Variants in CDK14 observed in about 807,000 individuals in gnomAD.
CDK14 encodes the protein cyclin-dependent kinase 14.
A neutral mutation model predicts 60.7 loss-of-function variants in CDK14; 34 were observed. The ratio of observed to expected loss-of-function variants is 0.56; its 90% CI spans 0.43 to 0.75. The LOEUF is 0.75. Among genes scored for constraint, CDK14 ranks in the 30% least tolerant of loss-of-function variants. CDK14 has a pLI of 0.00. For missense variants in CDK14, 482 were observed against 564.1 expected, an observed-to-expected ratio of 0.85 and a Z score of 1.47; for synonymous variants, 197 against 203.7, an observed-to-expected ratio of 0.97 and a Z score of 0.28.
intron 2 of CDK14, among the ~76,000 whole-genome samples, chr7:90,643,864 A>G (rs1352498842): frequency 6.6e-6 from 1 of 152,182 alleles, no homozygotes; most frequent in East Asian, 1.9e-4. Context: ...TTAGCAATAT[A>G]GTAGATAGTA....
At chr7:90,830,862 T>G (rs901229252) in intron 5 of CDK14, among the ~76,000 whole-genome samples, 11 of 152,330 alleles carry the variant, frequency 7.2e-5, no homozygotes, top group African/African-American at 2.6e-4. Flanking sequence ...AAAATGACAC[T>G]AATCTCCTTG....
Position 90,659,442 on chromosome 7 carries a change from C to T in CDK14, c.123+55193C>T, listed in dbSNP as rs977805136. Among the ~76,000 whole-genome samples, 3 of 152,118 alleles carry T rather than the reference C, an allele frequency of 2.0e-5. No homozygotes were observed. In the South Asian group the frequency reaches 6.2e-4, roughly 31 times the overall value. On this transcript the variant is annotated intron_variant, in intron 2 of 14. Coordinates refer to ENST00000380050, the MANE Select transcript of CDK14 (RefSeq NM_001287135.2). Reference sequence around the variant, plus strand: ...GCAGAATTTTAAGGTAGTACAGCTTCTTTTTGTTCAATAAATATACGTTTC... The same window carrying T: ...GCAGAATTTTAAGGTAGTACAGCTTTTTTTTGTTCAATAAATATACGTTTC...
chr7:90,731,145 T>C (rs1802849689), intron 3 of CDK14, among the ~76,000 whole-genome samples: 1 of 152,200 alleles, frequency 6.6e-6, no homozygotes, highest in Admixed American at 6.5e-5. Context: ...GTCAGGTTTG[T>C]CAGAGATCAG....
intron 8 of CDK14, among the ~76,000 whole-genome samples, chr7:90,924,496 A>G (rs1177992048): frequency 1.3e-5 from 2 of 152,134 alleles, no homozygotes; most frequent in Non-Finnish European, 2.9e-5. Flanking sequence ...CTCTTTCTCT[A>G]CCTTCTAAAA....
At chr7:90,891,411 A>G (rs939720568) in intron 6 of CDK14, among the ~76,000 whole-genome samples, 1 of 152,244 alleles carries the variant, frequency 6.6e-6, no homozygotes, top group African/African-American at 2.4e-5. Flanking sequence ...AAAACAAAAT[A>G]TAACAAATTT....
intron 12 of CDK14, among the ~76,000 whole-genome samples, chr7:91,093,397 T>C (rs1355637671): frequency 6.6e-6 from 1 of 152,066 alleles, no homozygotes; most frequent in Non-Finnish European, 1.5e-5. Flanking sequence ...GAGGAAGTCA[T>C]TGGACATTTA....
chr7:90,879,797 A>G (rs1464482951), intron 6 of CDK14, among the ~76,000 whole-genome samples: 1 of 148,404 alleles, frequency 6.7e-6, no homozygotes, highest in Non-Finnish European at 1.5e-5. Flanking sequence ...AAAATTGACT[A>G]GAAGGCGGGC....
At chr7:90,639,104 A>T (rs974900158) in intron 2 of CDK14, among the ~76,000 whole-genome samples, 9 of 152,152 alleles carry the variant, frequency 5.9e-5, no homozygotes, top group African/African-American at 1.9e-4. Flanking sequence ...GAGTAATTTG[A>T]TCGTCTGAAG....
intron 5 of CDK14, among the ~76,000 whole-genome samples, chr7:90,854,264 A>G (rs1342183271): frequency 2.6e-5 from 4 of 152,240 alleles, no homozygotes; most frequent in South Asian, 2.1e-4. Context: ...CTGTAATCCC[A>G]GCACTTTGGG....
intron 8 of CDK14, among the ~76,000 whole-genome samples, chr7:90,941,614 AT>A (rs1345525763): frequency 1.0e-3 from 149 of 142,870 alleles, no homozygotes; most frequent in African/African-American, 1.8e-3. Context: ...AAACCCAGCT[AT>A]TTTTTTTTTT....
intron 4 of CDK14, among the ~76,000 whole-genome samples, chr7:90,779,502 C>T (rs1195544764): frequency 6.6e-6 from 1 of 152,150 alleles, no homozygotes; most frequent in Non-Finnish European, 1.5e-5. Flanking sequence ...GATCTTCCTG[C>T]CCCAGCCTCC....
intron 14 of CDK14, among the ~76,000 whole-genome samples, chr7:91,150,912 A>T (rs1433689923): frequency 6.6e-6 from 1 of 152,230 alleles, no homozygotes; most frequent in Non-Finnish European, 1.5e-5. Flanking sequence ...AATCAAAATG[A>T]ATTAGGTATT....
chr7:91,173,290 A>G (rs1469128612), intron 14 of CDK14, among the ~76,000 whole-genome samples: 1 of 152,208 alleles, frequency 6.6e-6, no homozygotes. Context: ...ATTAAGAGGT[A>G]CATTCCCAAT....
chr7:90,633,819 T>C (rs568213556), intron 2 of CDK14, among the ~76,000 whole-genome samples: 1 of 152,310 alleles, frequency 6.6e-6, no homozygotes, highest in South Asian at 2.1e-4. Context: ...AAGCAGTAGA[T>C]GTAACTGTAA....
intron 12 of CDK14, among the ~76,000 whole-genome samples, chr7:91,101,787 A>G (rs1799151851): frequency 6.6e-6 from 1 of 152,132 alleles, no homozygotes; most frequent in Non-Finnish European, 1.5e-5. Context: ...TGTCAGATTC[A>G]CTCATGTTCT....
At chr7:91,192,929 G>A (rs1802415540) in intron 14 of CDK14, among the ~76,000 whole-genome samples, 1 of 152,176 alleles carries the variant, frequency 6.6e-6, no homozygotes, top group Non-Finnish European at 1.5e-5. Context: ...CAGATAGCCT[G>A]ATCCGGGTTT....
chr7:91,047,073 T>C (rs1797259042), intron 11 of CDK14, among the ~76,000 whole-genome samples: 1 of 152,170 alleles, frequency 6.6e-6, no homozygotes, highest in African/African-American at 2.4e-5. Flanking sequence ...CCTAACAATT[T>C]TAAATGGACT....
intron 6 of CDK14, among the ~76,000 whole-genome samples, chr7:90,865,277 C>T (rs1791139698): frequency 6.6e-6 from 1 of 152,092 alleles, no homozygotes; most frequent in African/African-American, 2.4e-5. Flanking sequence ...GGATAGTCTT[C>T]TCATTTAGGG....
At chr7:91,119,910 C>T (rs762105695) in intron 14 of CDK14, among the ~76,000 whole-genome samples, 2 of 152,180 alleles carry the variant, frequency 1.3e-5, no homozygotes, top group Admixed American at 6.5e-5. Flanking sequence ...TGCATTTGTA[C>T]TCCCACTCTG....
Sources: gnomAD v4.1 joint callset for allele counts (sites outside exome capture counted in the v4.1 genomes callset) on GRCh38, gnomAD v4.1.1 for gene constraint, MANE v1.5 for transcripts, NCBI Gene and HGNC (gene_info 2026-07-23, HGNC 2026-07-21) for gene names.